The following DCDC1 variants were observed in gnomAD, a reference collection of about 807,000 sequenced individuals.
DCDC1 encodes the protein doublecortin domain-containing protein 1.
Under a neutral mutation model 178.3 loss-of-function variants are expected in DCDC1, and 200 were observed. That is an observed-to-expected ratio of 1.12 (90% CI 1.00 to 1.26). The LOEUF (loss-of-function observed/expected upper bound fraction) is 1.26, where lower values mean the gene tolerates loss of function less well. Among genes scored for constraint, DCDC1 ranks in the 50% most tolerant of loss-of-function variants. DCDC1 has a pLI of 0.00. For synonymous variants in DCDC1, 690 were observed against 604.8 expected, an observed-to-expected ratio of 1.14 and a Z score of -2.07; for missense variants, 1,983 against 1,749.2, an observed-to-expected ratio of 1.13 and a Z score of -2.38.
At chr11:30,968,860 C>T (rs931418041) in intron 20 of DCDC1, among the ~76,000 whole-genome samples, 1 of 150,534 alleles carries the variant, frequency 6.6e-6, no homozygotes, top group African/African-American at 2.4e-5. Flanking sequence ...TATTGATACT[C>T]GAAATTATTG....
chr11:31,234,935 G>A (rs1332100452), intron 9 of DCDC1, among the ~76,000 whole-genome samples: 1 of 152,164 alleles, frequency 6.6e-6, no homozygotes, highest in East Asian at 1.9e-4. Flanking sequence ...AAGAGTCATA[G>A]GCAATAATAC....
chr11:31,088,944 C>T (rs771789598), intron 17 of DCDC1, among the ~76,000 whole-genome samples: 2 of 152,160 alleles, frequency 1.3e-5, no homozygotes, highest in Non-Finnish European at 2.9e-5. Flanking sequence ...AAGTGATCTG[C>T]CCACCTCAGT....
chr11:31,031,797 C>CA (rs1434744630), intron 20 of DCDC1, among the ~76,000 whole-genome samples: 1 of 152,040 alleles, frequency 6.6e-6, no homozygotes, highest in African/African-American at 2.4e-5. Flanking sequence ...GCTGGAATAA[C>CA]AAACAATCTA....
At chr11:31,125,217 C>CA (rs1961430194) in intron 11 of DCDC1, among the ~76,000 whole-genome samples, 1 of 151,972 alleles carries the variant, frequency 6.6e-6, no homozygotes, top group Non-Finnish European at 1.5e-5. Context: ...AAATCAAAAC[C>CA]ACAATGAGAT....
At position 30,944,170 on chromosome 11, in the gene DCDC1, A is replaced by G. The variant is rs1219694212; in HGVS notation, c.2715+8275T>C. 1.1e-5 allele frequency: 4 copies of G among 361,738 alleles called. No homozygotes were observed. The East Asian group carries it at 2.1e-4, about 19-fold the overall frequency. 22.4% of individuals were successfully genotyped at this position (361,738 alleles called of 1,614,324 possible). A position where few individuals can be genotyped will look rare whatever the true frequency, so the allele number is the denominator to read the frequency against. Reference sequence around the variant, plus strand: ...CATAGCCTTGATTTCTGGAACACCAAACTTTTTCTGTGAGTTTCTTCTCTC... The same window carrying G: ...CATAGCCTTGATTTCTGGAACACCAGACTTTTTCTGTGAGTTTCTTCTCTC... On this transcript the variant is annotated intron_variant, in intron 21 of 38. Coordinates refer to ENST00000684477, the MANE Select transcript of DCDC1 (RefSeq NM_001387274.1).
Position 31,328,242 on chromosome 11 carries a change from T to TA in DCDC1, c.38dup (p.Ser14IlefsTer10). The TA allele has an allele frequency of 6.2e-7, 1 of 1,600,598 alleles. No individual in the cohort carries two copies. Among genetic ancestry groups the TA allele is most frequent in the Non-Finnish European group, 8.5e-7 (1 of 1,171,030 alleles). Reference sequence around the variant, plus strand: ...TCAAGAGGGATAAGGAAGACTGAGATAGTGCTTCTCTGTGATCTTCTGCTC... The same window carrying TA: ...TCAAGAGGGATAAGGAAGACTGAGATAAGTGCTTCTCTGTGATCTTCTGCTC... On this transcript the variant is annotated frameshift_variant, in exon 3 of 39. Coordinates refer to ENST00000684477, the MANE Select transcript of DCDC1 (RefSeq NM_001387274.1). LOFTEE classifies it high-confidence loss of function.
At chr11:30,968,711 T>TATATATATATATATATATATATATATA (rs1949594817) in intron 20 of DCDC1, among the ~76,000 whole-genome samples, 3 of 61,040 alleles carry the variant, frequency 4.9e-5, no homozygotes, top group South Asian at 4.4e-4. Context: ...ATATATCAAA[T>TATATATATATATATATATATATATATA]TATATATATA....
Position 30,904,991 on chromosome 11 carries a change from C to T in DCDC1, c.4278G>A (p.Gly1426=). 3 of 1,613,786 alleles carry T rather than the reference C, an allele frequency of 1.9e-6. No individual in the cohort carries two copies. The highest frequency in any genetic ancestry group is 2.5e-6 in the Non-Finnish European group (3 of 1,179,706). Residue 1426 remains glycine, a synonymous_variant, in exon 31 of 39, where the codon GGG becomes GGA. Coordinates refer to ENST00000684477, the MANE Select transcript of DCDC1 (RefSeq NM_001387274.1). ...GGAATGTTCCAGCCACAATTAACTT[C>T]CCATTACGATACCCATCCCCATTTT... ...AYKNGDGYRN[G]KLIVAGTFPM... is the part of the protein sequence containing the mutation.
chr11:31,246,215 C>T (rs1943554254), intron 8 of DCDC1, among the ~76,000 whole-genome samples: 1 of 151,992 alleles, frequency 6.6e-6, no homozygotes, highest in Non-Finnish European at 1.5e-5. Flanking sequence ...AAAATTAAGT[C>T]ACGCCAATTA....
chr11:30,875,987 T>C (rs1942081809), intron 38 of DCDC1, among the ~76,000 whole-genome samples: 1 of 152,184 alleles, frequency 6.6e-6, no homozygotes, highest in Non-Finnish European at 1.5e-5. Context: ...ATTGCAACTT[T>C]ACCCTAACAC....
intron 3 of DCDC1, chr11:31,314,616 T>G (rs1279369879): frequency 6.6e-6 from 1 of 152,234 alleles, no homozygotes; most frequent in Non-Finnish European, 1.5e-5. Flanking sequence ...TCTTGACTGC[T>G]ATAGAACTTA....
chr11:30,973,932 C>G (rs1405408913), intron 20 of DCDC1, among the ~76,000 whole-genome samples: 2 of 152,046 alleles, frequency 1.3e-5, no homozygotes, highest in African/African-American at 2.4e-5. Flanking sequence ...CTACAGAATA[C>G]TCATTTTTTT....
chr11:31,240,768 T>A, intron 9 of DCDC1, among the ~76,000 whole-genome samples: 1 of 152,022 alleles, frequency 6.6e-6, no homozygotes, highest in East Asian at 1.9e-4. Flanking sequence ...CATTTTTATG[T>A]TATAAATGGC....
At chr11:31,240,727 T>G (rs1977028175) in intron 9 of DCDC1, among the ~76,000 whole-genome samples, 1 of 152,040 alleles carries the variant, frequency 6.6e-6, no homozygotes. Context: ...TAAAACCAAG[T>G]ACAAAGAGGA....
At chr11:31,123,187 T>C (rs1220713337) in intron 11 of DCDC1, among the ~76,000 whole-genome samples, 3 of 152,100 alleles carry the variant, frequency 2.0e-5, no homozygotes, top group Non-Finnish European at 4.4e-5. Context: ...CCAATTTCTA[T>C]TTTATAAATA....
At chr11:31,290,622 A>G in intron 7 of DCDC1, 25 bp downstream of exon 7, 4 of 1,571,962 alleles carry the variant, frequency 2.5e-6, no homozygotes, top group Non-Finnish European at 3.4e-6. Flanking sequence ...TTAAATTCAT[A>G]GTTCAATATT....
chr11:30,969,721 C>T (rs1445326052), intron 20 of DCDC1, among the ~76,000 whole-genome samples: 4 of 152,108 alleles, frequency 2.6e-5, no homozygotes, highest in Admixed American at 1.3e-4. Context: ...GACTTTTTTA[C>T]TACAGATTTT....
At chr11:31,124,883 A>G (rs1206775042) in intron 11 of DCDC1, among the ~76,000 whole-genome samples, 1 of 152,140 alleles carries the variant, frequency 6.6e-6, no homozygotes, top group Non-Finnish European at 1.5e-5. Context: ...AGATTTTATG[A>G]TGAAATCACC....
chr11:31,009,600 C>T (rs1464484472), intron 20 of DCDC1, among the ~76,000 whole-genome samples: 1 of 151,988 alleles, frequency 6.6e-6, no homozygotes, highest in African/African-American at 2.4e-5. Flanking sequence ...TGGTGTAAGT[C>T]CTAGTGTGAT....
Sources: allele counts gnomAD v4.1 joint callset (sites outside exome capture counted in the v4.1 genomes callset), GRCh38; gene constraint gnomAD v4.1.1; transcripts MANE v1.5; gene names NCBI Gene and HGNC (gene_info 2026-07-23, HGNC 2026-07-21).